The following PSKH1 variants were observed in gnomAD, a reference collection of about 807,000 sequenced individuals.
The protein encoded by PSKH1 is serine/threonine-protein kinase H1.
In PSKH1, 12 loss-of-function variants were observed where a neutral mutation model predicts 26.7. The ratio of observed to expected loss-of-function variants is 0.45; its 90% CI spans 0.29 to 0.73. The LOEUF (loss-of-function observed/expected upper bound fraction) is 0.73, where lower values mean the gene tolerates loss of function less well. PSKH1 is among the 30% of genes least tolerant of loss of function. The pLI is 0.11. For missense variants in PSKH1, 431 were observed against 595.2 expected (o/e 0.72, Z 2.87); for synonymous variants, 213 against 234.3 (o/e 0.91, Z 0.83).
intron 1 of PSKH1, among the ~76,000 whole-genome samples, chr16:67,903,497 T>C (rs2058147361): frequency 6.6e-6 from 1 of 151,998 alleles, no homozygotes; most frequent in African/African-American, 2.4e-5. Flanking sequence ...AGATGGAGTC[T>C]TGCTCTTTTG....
At chr16:67,903,469 CCTCT>C (rs531346810) in intron 1 of PSKH1, among the ~76,000 whole-genome samples, 1 of 151,800 alleles carries the variant, frequency 6.6e-6, no homozygotes, top group Non-Finnish European at 1.5e-5. Context: ...CTCATTTTTT[CCTCT>C]CTCTCTCTTT....
At chr16:67,910,071 C>A in intron 2 of PSKH1, 1 of 441,910 alleles carries the variant, frequency 2.3e-6, no homozygotes, top group Non-Finnish European at 4.0e-6. Flanking sequence ...AGTTGTACCA[C>A]CAAAGAGCAG....
rs2058223944 is a variant in PSKH1 at position 67,928,126 on chromosome 16, T to G, written c.*484T>G. ...TGCATCCTGATCCTTAAGATTATGC[T>G]CCAGTGGGAGACCCTGGTAGGCACA... On this transcript the variant is annotated 3_prime_UTR_variant, in exon 3 of 3. Coordinates refer to ENST00000291041, the MANE Select transcript of PSKH1 (RefSeq NM_006742.3). The surrounding 1 kb of genome is among the most constrained non-coding windows in gnomAD (Gnocchi z 4.8). The G allele has an allele frequency of 6.5e-6, 1 of 154,500 alleles. No individual in the cohort carries two copies. Among genetic ancestry groups the G allele is most frequent in the Non-Finnish European group, 1.4e-5 (1 of 69,640 alleles). The allele number at this position is 154,500 out of a possible 1,614,324, so 9.6% of individuals were successfully genotyped here.
At chr16:67,903,840 CTTTT>C (rs1241734475) in intron 1 of PSKH1, among the ~76,000 whole-genome samples, 6 of 125,364 alleles carry the variant, frequency 4.8e-5, no homozygotes, top group African/African-American at 1.2e-4. Flanking sequence ...GCACTACACT[CTTTT>C]TTTTTTTTTT....
At chr16:67,918,537 A>G (rs1049495648) in intron 2 of PSKH1, among the ~76,000 whole-genome samples, 4 of 150,322 alleles carry the variant, frequency 2.7e-5, no homozygotes, top group Non-Finnish European at 5.9e-5. Context: ...TTGACCATAC[A>G]TTGATCTGGG....
At chr16:67,905,617 T>G (rs780520268) in intron 1 of PSKH1, among the ~76,000 whole-genome samples, 1 of 152,220 alleles carries the variant, frequency 6.6e-6, no homozygotes, top group African/African-American at 2.4e-5. Context: ...CCCAGCACTT[T>G]AGGTGGCCAA....
chr16:67,903,516 G>A (rs539517715), intron 1 of PSKH1, among the ~76,000 whole-genome samples: 3 of 151,980 alleles, frequency 2.0e-5, no homozygotes, highest in Non-Finnish European at 4.4e-5. Flanking sequence ...TGCCCAGGCT[G>A]GAGTGCAGTG....
intron 2 of PSKH1, among the ~76,000 whole-genome samples, chr16:67,915,206 A>C (rs373620468): frequency 2.1e-5 from 3 of 144,624 alleles, no homozygotes; most frequent in Non-Finnish European, 4.5e-5. Flanking sequence ...AGAGAGAGAG[A>C]GAGTGTGTGT....
chr16:67,895,969 C>T (rs1398490749), intron 1 of PSKH1, among the ~76,000 whole-genome samples: 1 of 152,164 alleles, frequency 6.6e-6, no homozygotes, highest in Admixed American at 6.6e-5. Flanking sequence ...GTGCCTACTA[C>T]ATGTGCTTGT....
chr16:67,900,695 A>C (rs1483252938), intron 1 of PSKH1, among the ~76,000 whole-genome samples: 1 of 152,124 alleles, frequency 6.6e-6, no homozygotes, highest in African/African-American at 2.4e-5. Flanking sequence ...GATAATGCTG[A>C]ATGCTCATAC....
At chr16:67,907,775 G>A (rs928153343) in intron 1 of PSKH1, among the ~76,000 whole-genome samples, 1 of 152,112 alleles carries the variant, frequency 6.6e-6, no homozygotes, top group Non-Finnish European at 1.5e-5. Context: ...GCAAAGGAGT[G>A]GAAGCCTTCC....
At chr16:67,920,104 GGTGC>G (rs1191553431) in intron 2 of PSKH1, among the ~76,000 whole-genome samples, 7 of 152,102 alleles carry the variant, frequency 4.6e-5, no homozygotes, top group African/African-American at 1.7e-4. Context: ...AGCCATCCCT[GGTGC>G]GTCAGCCATC....
At chr16:67,922,105 A>C in intron 2 of PSKH1, among the ~76,000 whole-genome samples, 1 of 151,336 alleles carries the variant, frequency 6.6e-6, no homozygotes, top group Middle Eastern at 3.4e-3. Context: ...GCCGAGTCCC[A>C]GGGTGGTAGA....
At chr16:67,918,456 A>G (rs1399401701) in intron 2 of PSKH1, among the ~76,000 whole-genome samples, 6 of 151,416 alleles carry the variant, frequency 4.0e-5, no homozygotes, top group African/African-American at 1.2e-4. Context: ...CTTCATAGCC[A>G]CTCTGCTGCT....
rs552359069 is a variant in PSKH1 at position 67,893,331 on chromosome 16, C to T, written c.-111C>T. Reference sequence around the variant, plus strand: ...GCTGCCATTGCCCGGAGATGGCCGGCAGAGCCGCCGAGACGCCGAAGAGCC... The same window carrying T: ...GCTGCCATTGCCCGGAGATGGCCGGTAGAGCCGCCGAGACGCCGAAGAGCC... On this transcript the variant is annotated 5_prime_UTR_variant, in exon 1 of 3. Coordinates refer to ENST00000291041, the MANE Select transcript of PSKH1 (RefSeq NM_006742.3). 7 of 157,396 alleles carry T rather than the reference C, an allele frequency of 4.4e-5. No homozygotes were observed. In the East Asian group the frequency reaches 1.1e-3, roughly 25 times the overall value. 9.7% of individuals were successfully genotyped at this position (157,396 alleles called of 1,614,324 possible).
Position 67,909,025 on chromosome 16 carries a change from A to C in PSKH1, c.276A>C (p.Pro92=), listed in dbSNP as rs1567399250. 6.2e-6 allele frequency: 10 copies of C among 1,614,160 alleles called. No homozygotes were observed. Among genetic ancestry groups the C allele is most frequent in the Non-Finnish European group, 8.5e-6 (10 of 1,180,026 alleles). Residue 92 remains proline, a synonymous_variant, in exon 2 of 3, where the codon CCA becomes CCC. Transcript: ENST00000291041. The surrounding 1 kb of genome is among the most constrained non-coding windows in gnomAD (Gnocchi z 7.8). ...CTAAGTACAGGGCCAAGTTTGACCC[A>C]CGTGTTACAGCTAAGTATGACATCA... is the stretch of plus-strand genomic sequence containing the variant. ...RVAKYRAKFD[P]RVTAKYDIKA... is the part of the protein sequence containing the mutation.
Position 67,927,254 on chromosome 16 carries a change from G to C in PSKH1, c.958-71G>C. 6.9e-7 allele frequency: 1 copy of C among 1,455,456 alleles called. No individual in the cohort carries two copies. The highest frequency in any genetic ancestry group is 1.8e-4 in the Middle Eastern group (1 of 5,514). 90.2% of individuals were successfully genotyped at this position (1,455,456 alleles called of 1,614,324 possible). ...TCTCTGGAAAGGGGAGGGTTGCTGAGTAGTGGCCTCATCCAGATGGGGTGG... is the reference window on the plus strand; with the variant it reads ...TCTCTGGAAAGGGGAGGGTTGCTGACTAGTGGCCTCATCCAGATGGGGTGG... On this transcript the variant is annotated intron_variant, in intron 2 of 2. Coordinates refer to ENST00000291041, the MANE Select transcript of PSKH1 (RefSeq NM_006742.3). This position sits in a 1 kb window ranked among gnomAD's most constrained non-coding sequence, Gnocchi z 5.5.
chr16:67,924,797 C>G (rs1351342514), intron 2 of PSKH1, among the ~76,000 whole-genome samples: 3 of 152,102 alleles, frequency 2.0e-5, no homozygotes, highest in Admixed American at 6.6e-5. Flanking sequence ...GAGGTGTCCC[C>G]TGACCCACTC....
At chr16:67,914,195 G>T (rs917809712) in intron 2 of PSKH1, among the ~76,000 whole-genome samples, 2 of 152,130 alleles carry the variant, frequency 1.3e-5, no homozygotes, top group African/African-American at 4.8e-5. Context: ...TGTTGCCCAG[G>T]CTGGAGTGCA....
Sources: gnomAD v4.1 joint callset for allele counts (sites outside exome capture counted in the v4.1 genomes callset) on GRCh38, gnomAD v4.1.1 for gene constraint, Gnocchi (gnomAD v3.1) non-coding constraint, MANE v1.5 for transcripts, NCBI Gene and HGNC (gene_info 2026-07-23, HGNC 2026-07-21) for gene names.